Variants in DDX60 observed in about 807,000 individuals in gnomAD.
DDX60 encodes DExD/H-box helicase 60.
A neutral mutation model predicts 212.8 loss-of-function variants in DDX60; 165 were observed. The observed-to-expected ratio is 0.78, with a 90% CI of 0.68 to 0.88. The LOEUF is 0.88. Among genes scored for constraint, DDX60 ranks in the 40% least tolerant of loss-of-function variants. The pLI is 0.00. For missense variants in DDX60, 1,905 were observed against 2,003.9 expected, an observed-to-expected ratio of 0.95 and a Z score of 0.94; for synonymous variants, 703 against 685.3, an observed-to-expected ratio of 1.03 and a Z score of -0.40.
rs1284754118 is a variant in DDX60 at position 168,261,061 on chromosome 4, T to C, written c.3274-72A>G. ...AAGAAATTACTACTTTTTGCTAAAATATTTTCATAGTTGTCTAATATATGT... is the reference window on the plus strand; with the variant it reads ...AAGAAATTACTACTTTTTGCTAAAACATTTTCATAGTTGTCTAATATATGT... On this transcript the variant is annotated intron_variant, in intron 24 of 37. Coordinates refer to ENST00000393743, the MANE Select transcript of DDX60 (RefSeq NM_017631.6). 6 of 1,490,508 alleles carry C rather than the reference T, an allele frequency of 4.0e-6. No individual in the cohort carries two copies. The Admixed American group carries it at 1.1e-4, about 28-fold the overall frequency. 92.3% of individuals were successfully genotyped at this position (1,490,508 alleles called of 1,614,324 possible).
At chr4:168,308,573 T>A (rs925221668) in intron 3 of DDX60, among the ~76,000 whole-genome samples, 1 of 151,774 alleles carries the variant, frequency 6.6e-6, no homozygotes, top group Non-Finnish European at 1.5e-5. Flanking sequence ...AAGAGGAAAC[T>A]GTTTCCATTC....
At chr4:168,275,233 C>A (rs749810507) in intron 16 of DDX60, 112 bp downstream of exon 16, 18 of 1,017,898 alleles carry the variant, frequency 1.8e-5, no homozygotes, top group Non-Finnish European at 2.3e-5. Context: ...AACAAAGTAT[C>A]TTTAAATGAC....
chr4:168,263,894 T>C (rs1734728472), intron 22 of DDX60, among the ~76,000 whole-genome samples: 1 of 152,208 alleles, frequency 6.6e-6, no homozygotes, highest in Non-Finnish European at 1.5e-5. Context: ...AGAGAAATGA[T>C]ATATATTGTA....
chr4:168,288,056 G>A lies in DDX60; in HGVS notation c.1183+118C>T, dbSNP rs559545409. On this transcript the variant is annotated intron_variant, in intron 9 of 37. Transcript: ENST00000393743. ...AATATTACATACAAATGTGAACAAAGATGAAAATAATTGCTATGTTATATG... is the reference window on the plus strand; with the variant it reads ...AATATTACATACAAATGTGAACAAAAATGAAAATAATTGCTATGTTATATG... 1.4e-5 allele frequency: 9 copies of A among 629,120 alleles called. No homozygotes were observed. The African/African-American group carries it at 1.7e-4, about 12-fold the overall frequency. The allele number at this position is 629,120 out of a possible 1,614,324, so 39.0% of individuals were successfully genotyped here.
At position 168,283,515 on chromosome 4, in the gene DDX60, C is replaced by T. The variant is rs753639974; in HGVS notation, c.1653G>A (p.Ser551=). ...FYGNSLETVS[S]KIIVTQTIKS... ...TAATAGTTTGAGTCACGATGATTTTCGAAGAGACTGTTTCTAATGAATTCC... is the reference window on the plus strand; with the variant it reads ...TAATAGTTTGAGTCACGATGATTTTTGAAGAGACTGTTTCTAATGAATTCC... The change falls in exon 13 of 38, where the codon TCG becomes TCA. Residue 551 remains serine (S), a synonymous_variant. Transcript: ENST00000393743. 1.1e-5 allele frequency: 18 copies of T among 1,613,318 alleles called. No homozygotes were observed. Among genetic ancestry groups the T allele is most frequent in the African/African-American group, 1.3e-5 (1 of 74,872 alleles).
intron 5 of DDX60, among the ~76,000 whole-genome samples, chr4:168,303,103 C>G (rs1736716731): frequency 6.6e-6 from 1 of 151,804 alleles, no homozygotes; most frequent in Admixed American, 6.6e-5. Context: ...GAGATCGAGA[C>G]CATCCTGGCT....
At chr4:168,295,068 A>C (rs192339890) in intron 6 of DDX60, among the ~76,000 whole-genome samples, 64 of 152,334 alleles carry the variant, frequency 4.2e-4, no homozygotes, top group Non-Finnish European at 6.9e-4. Context: ...TTTATCAAAA[A>C]GATGAAAGAT....
intron 22 of DDX60, among the ~76,000 whole-genome samples, chr4:168,264,059 G>A (rs1734736561): frequency 6.6e-6 from 1 of 151,964 alleles, no homozygotes; most frequent in African/African-American, 2.4e-5. Context: ...AAATTTCGGG[G>A]CTAAAAAAGC....
chr4:168,274,167 C>G, intron 16 of DDX60, 84 bp from the exon 17 acceptor site: 2 of 1,531,110 alleles, frequency 1.3e-6, no homozygotes, highest in Non-Finnish European at 1.8e-6. Context: ...ACTTCCAATA[C>G]GATTTTCTGA....
intron 25 of DDX60, 28 bp downstream of exon 25, chr4:168,260,837 C>A: frequency 6.3e-7 from 1 of 1,588,336 alleles, no homozygotes; most frequent in African/African-American, 1.4e-5. Context: ...CAATTACAAG[C>A]AAAACCAAAT....
chr4:168,229,604 G>A (rs540701370), intron 33 of DDX60, among the ~76,000 whole-genome samples: 3 of 152,118 alleles, frequency 2.0e-5, no homozygotes, highest in East Asian at 3.9e-4. Context: ...TTCTCAGTGG[G>A]GAGGCTTGTA....
At chr4:168,258,145 C>CTTTCAA in intron 25 of DDX60, among the ~76,000 whole-genome samples, 1 of 22,244 alleles carries the variant, frequency 4.5e-5, no homozygotes. Flanking sequence ...TCCTGGTATA[C>CTTTCAA]AAGAATGAAT....
intron 6 of DDX60, among the ~76,000 whole-genome samples, chr4:168,294,556 A>C (rs1736256759): frequency 6.6e-6 from 1 of 152,120 alleles, no homozygotes. Flanking sequence ...ACTGGAGTGC[A>C]GTGGCCCAAT....
chr4:168,319,296 A>G (rs1184403067), upstream of DDX60, among the ~76,000 whole-genome samples: 1 of 152,226 alleles, frequency 6.6e-6, no homozygotes, highest in Non-Finnish European at 1.5e-5. Context: ...TTGAGGCAGA[A>G]AAATTTGTAA....
At position 168,285,989 on chromosome 4, in the gene DDX60, AGAAAGAAAGAAAGGAG is replaced by A. The variant is rs1312241609; in HGVS notation, c.1340-507_1340-492del. Among the ~76,000 whole-genome samples the A allele has an allele frequency of 4.9e-4, 70 of 143,566 alleles. No homozygotes were observed. The South Asian group carries it at 0.013, about 26-fold the overall frequency. The allele number at this position is 143,566 out of a possible 152,430, so 94.2% of individuals were successfully genotyped here. A position where few individuals can be genotyped will look rare whatever the true frequency, so the allele number is the denominator to read the frequency against. The stretch of plus-strand genomic sequence containing the variant: ...AAGAATGAAAGAAAGAAAGAAAGAA[AGAAAGAAAGAAAGGAG>A]GGAGGGAAGGAAGGATGGAGGGAGG... On this transcript the variant is annotated intron_variant, in intron 10 of 37. Transcript: ENST00000393743.
In DDX60 at chr4:168,216,617, A is replaced by G. The variant is rs1732856304; in HGVS notation, c.*316T>C. 5.6e-6 allele frequency: 1 copy of G among 179,442 alleles called. No individual in the cohort carries two copies. The highest frequency in any genetic ancestry group is 6.3e-5 in the Admixed American group (1 of 15,966). 11.1% of individuals were successfully genotyped at this position (179,442 alleles called of 1,614,324 possible). ...TTTACTTTGGCTTCGCAGAGTAAAA[A>G]TTGTTATTCAGTCACATACAACATT... On this transcript the variant is annotated 3_prime_UTR_variant, in exon 38 of 38. Transcript: ENST00000393743.
intron 37 of DDX60, among the ~76,000 whole-genome samples, chr4:168,219,834 C>T (rs934734654): frequency 3.9e-5 from 6 of 151,900 alleles, no homozygotes; most frequent in Non-Finnish European, 8.8e-5. Context: ...GTCAGGAGTT[C>T]GAGACCACAC....
At chr4:168,292,049 C>CTTTCTTTCCTTTTTTT (rs58664687) in intron 7 of DDX60, 143 bp from the exon 8 acceptor site, 1 of 284,572 alleles carries the variant, frequency 3.5e-6, no homozygotes, top group African/African-American at 2.9e-5. Flanking sequence ...TTCTTTCTTT[C>CTTTCTTTCCTTTTTTT]TTTTTTTTTT....
chr4:168,222,005 G>T, intron 35 of DDX60, 124 bp from the exon 36 acceptor site: 1 of 1,011,020 alleles, frequency 9.9e-7, no homozygotes, highest in Non-Finnish European at 1.4e-6. Flanking sequence ...TCACTGTGAA[G>T]TAAGAGGGTG....
Sources: allele counts gnomAD v4.1 joint callset (sites outside exome capture counted in the v4.1 genomes callset), GRCh38; gene constraint gnomAD v4.1.1; transcripts MANE v1.5; gene names NCBI Gene and HGNC (gene_info 2026-07-23, HGNC 2026-07-21).